MID1: variants seen among roughly 807,000 people sequenced by gnomAD.
MID1 encodes the protein E3 ubiquitin-protein ligase Midline-1.
MID1 carries 7 observed loss-of-function variants against 40.4 expected under a neutral mutation model. The observed-to-expected ratio is 0.17, with a 90% CI of 0.10 to 0.33. The LOEUF is 0.33. Among genes scored for constraint, MID1 ranks in the 10% least tolerant of loss-of-function variants. MID1 has a pLI of 1.00. For missense variants in MID1, 367 were observed against 558.5 expected, an observed-to-expected ratio of 0.66 and a Z score of 3.46; for synonymous variants, 229 against 221.2, an observed-to-expected ratio of 1.04 and a Z score of -0.31.
At position 10,504,738 on chromosome X, in the gene MID1, GT is replaced by G. The variant is rs767027493; in HGVS notation, c.757-9048del. ...GAAGAAGGGTAGAGAACATTCTTCC[GT>G]GGTACAGAGCAGGAGTTGGGGGACT... On this transcript the variant is annotated intron_variant, in intron 3 of 9. Transcript: ENST00000317552. 7.3e-5 allele frequency among the ~76,000 whole-genome samples: 8 copies of G among 109,779 alleles called. No homozygotes were observed. The South Asian group carries it at 2.7e-3, about 38-fold the overall frequency.
At chrX:10,501,647 A>T in intron 3 of MID1, 1 of 783,643 alleles carries the variant, frequency 1.3e-6, no homozygotes, top group Admixed American at 3.1e-5. Context: ...CTGAGATGGA[A>T]TTCAGCATTG....
intron 1 of MID1, among the ~76,000 whole-genome samples, chrX:10,713,056 C>T (rs2043279529): frequency 9.0e-6 from 1 of 110,719 alleles, no homozygotes; most frequent in African/African-American, 3.3e-5. Context: ...AGGCTGGTCT[C>T]GATCTCCTGA....
intron 2 of MID1, among the ~76,000 whole-genome samples, chrX:10,540,165 C>A (rs1388732578): frequency 8.9e-6 from 1 of 111,995 alleles, no homozygotes; most frequent in Non-Finnish European, 1.9e-5. Flanking sequence ...TGTGCTACTG[C>A]ACTCCAGACT....
chrX:10,535,199 G>A (rs1284581416), intron 2 of MID1, among the ~76,000 whole-genome samples: 2 of 111,583 alleles, frequency 1.8e-5, no homozygotes, highest in South Asian at 3.8e-4. Context: ...AAATAACTTC[G>A]CCTGAGTGAG....
intron 7 of MID1, among the ~76,000 whole-genome samples, chrX:10,468,400 A>ATTAC (rs1929506364): frequency 8.9e-6 from 1 of 112,403 alleles, no homozygotes; most frequent in African/African-American, 3.2e-5. Context: ...ATGACTCAGA[A>ATTAC]TTACTTGTGC....
intron 1 of MID1, among the ~76,000 whole-genome samples, chrX:10,714,455 T>G (rs1004777983): frequency 8.9e-6 from 1 of 112,437 alleles, no homozygotes; most frequent in Non-Finnish European, 1.9e-5. Context: ...CACTGTGGCC[T>G]GTGTGCCAAA....
Position 10,505,997 on chromosome X carries a change from C to T in MID1, c.757-10306G>A, listed in dbSNP as rs1237525636. The T allele has an allele frequency of 2.2e-5, 17 of 756,926 alleles. No individual in the cohort carries two copies. In the Admixed American group the frequency reaches 9.4e-4, roughly 42 times the overall value. The allele number at this position is 756,926 out of a possible 1,213,427, so 62.4% of individuals were successfully genotyped here. Reference sequence around the variant, plus strand: ...ACAGTGAGTGAAATACACGTGATTACGTCACTGATAGAACTTAACTGGGAG... The same window carrying T: ...ACAGTGAGTGAAATACACGTGATTATGTCACTGATAGAACTTAACTGGGAG... On this transcript the variant is annotated intron_variant, in intron 3 of 9. Coordinates refer to ENST00000317552, the MANE Select transcript of MID1 (RefSeq NM_000381.4).
At chrX:10,724,998 T>G (rs1040083105) in intron 1 of MID1, among the ~76,000 whole-genome samples, 2 of 112,316 alleles carry the variant, frequency 1.8e-5, no homozygotes, top group Non-Finnish European at 3.8e-5. Flanking sequence ...TCTAAAGGTG[T>G]TGTTCCATTA....
At chrX:10,825,488 T>C (rs192522182) in intron 1 of MID1, among the ~76,000 whole-genome samples, 1 of 112,170 alleles carries the variant, frequency 8.9e-6, no homozygotes, top group Non-Finnish European at 1.9e-5. Context: ...GGCAAAACCT[T>C]CACCCAAACC....
chrX:10,482,810 C>T (rs1344965676), intron 4 of MID1, among the ~76,000 whole-genome samples, 182 bp from the exon 5 acceptor site: 1 of 112,470 alleles, frequency 8.9e-6, no homozygotes, highest in Non-Finnish European at 1.9e-5. Flanking sequence ...TATTCCTTAT[C>T]TCATTGGAGA....
At chrX:10,596,807 C>T (rs971660055) in intron 1 of MID1, among the ~76,000 whole-genome samples, 1 of 112,088 alleles carries the variant, frequency 8.9e-6, no homozygotes, top group Non-Finnish European at 1.9e-5. Flanking sequence ...GCCCTGGGGA[C>T]ACCAAAACCC....
At chrX:10,677,759 A>G (rs1182980771) in intron 1 of MID1, 1 of 111,433 alleles carries the variant, frequency 9.0e-6, no homozygotes, top group Non-Finnish European at 1.9e-5. Context: ...GGTTTGATGG[A>G]TGAGTTTCCC....
intron 1 of MID1, among the ~76,000 whole-genome samples, chrX:10,618,294 G>C: frequency 8.9e-6 from 1 of 111,946 alleles, no homozygotes; most frequent in Non-Finnish European, 1.9e-5. Context: ...TGGTGAATTC[G>C]ACTCACCCTG....
chrX:10,818,631 GAGGTGGT>G (rs1407244758), intron 1 of MID1, among the ~76,000 whole-genome samples: 1 of 112,026 alleles, frequency 8.9e-6, no homozygotes, highest in African/African-American at 3.2e-5. Flanking sequence ...CTCTCCCCTA[GAGGTGGT>G]GTGTTTTGCC....
chrX:10,467,855 TCTCA>T (rs1929469835), intron 7 of MID1, among the ~76,000 whole-genome samples: 1 of 112,025 alleles, frequency 8.9e-6, no homozygotes. Flanking sequence ...TATCTTCATT[TCTCA>T]CTGTCTCCCT....
chrX:10,778,519 G>C (rs1038819642), intron 1 of MID1, among the ~76,000 whole-genome samples: 2 of 112,285 alleles, frequency 1.8e-5, no homozygotes, highest in Non-Finnish European at 3.8e-5. Context: ...ATGGCAAAAA[G>C]GTCTTTGCAG....
chrX:10,704,729 T>TACACAC (rs1280810951), intron 1 of MID1, among the ~76,000 whole-genome samples: 13 of 83,430 alleles, frequency 1.6e-4, no homozygotes, highest in African/African-American at 6.6e-4. Flanking sequence ...TATATATATA[T>TACACAC]ATATATATAT....
intron 1 of MID1, among the ~76,000 whole-genome samples, chrX:10,587,418 A>T (rs1485707561): frequency 8.8e-6 from 1 of 113,099 alleles, no homozygotes; most frequent in African/African-American, 3.2e-5. Flanking sequence ...TAGTGTTGGG[A>T]GACGGAGGCT....
intron 4 of MID1, among the ~76,000 whole-genome samples, chrX:10,493,207 G>C (rs1244218408): frequency 8.9e-6 from 1 of 111,999 alleles, no homozygotes; most frequent in African/African-American, 3.2e-5. Context: ...CACAAGGGTC[G>C]TTATAAGAGA....
Sources: gnomAD v4.1 joint callset for allele counts (sites outside exome capture counted in the v4.1 genomes callset) on GRCh38, gnomAD v4.1.1 for gene constraint, MANE v1.5 for transcripts, NCBI Gene and HGNC (gene_info 2026-07-23, HGNC 2026-07-21) for gene names.